NTRK2: variants seen among roughly 807,000 people sequenced by gnomAD.
The protein encoded by NTRK2 is neurotrophic receptor tyrosine kinase 2.
Under a neutral mutation model 94.5 loss-of-function variants are expected in NTRK2, and 13 were observed. That is an observed-to-expected ratio of 0.14 (90% confidence interval 0.09 to 0.22). The LOEUF is 0.22. Ranked by LOEUF, NTRK2 falls within the 10% of genes least tolerant of loss-of-function variation. NTRK2 has a pLI of 1.00. For synonymous variants in NTRK2, 372 were observed against 407.4 expected (o/e 0.91, Z 1.05); for missense variants, 639 against 1,071.2 (o/e 0.60, Z 5.63).
At position 84,824,623 on chromosome 9, in the gene NTRK2, A is replaced by G. The variant is rs181110869; in HGVS notation, c.1397-36417A>G. On this transcript the variant is annotated intron_variant, in intron 12 of 18. Coordinates refer to ENST00000277120, the MANE Select transcript of NTRK2 (RefSeq NM_006180.6). Reference sequence around the variant, plus strand: ...CCCAAGAGAGGCTGAGGCAGCTCTCAGTTCTAAATTTTTCTTGCTAAGTTT... The same window carrying G: ...CCCAAGAGAGGCTGAGGCAGCTCTCGGTTCTAAATTTTTCTTGCTAAGTTT... Among the ~76,000 whole-genome samples the G allele has an allele frequency of 4.3e-3, 661 of 152,306 alleles. 2 individuals are homozygous for G. The highest frequency in any genetic ancestry group is 7.8e-3 in the Non-Finnish European group (530 of 68,010).
At chr9:84,766,449 C>T (rs1014680917) in intron 12 of NTRK2, among the ~76,000 whole-genome samples, 25 of 151,990 alleles carry the variant, frequency 1.6e-4, no homozygotes, top group African/African-American at 6.0e-4. Context: ...TTGGATACGA[C>T]AGAAATTGTG....
chr9:84,940,854 G>A (rs2078384823), intron 15 of NTRK2, among the ~76,000 whole-genome samples: 2 of 151,604 alleles, frequency 1.3e-5, no homozygotes, highest in Admixed American at 6.6e-5. Context: ...TATTTTTTAT[G>A]ACAGTCATCA....
intron 12 of NTRK2, among the ~76,000 whole-genome samples, chr9:84,850,507 A>G (rs1275383719): frequency 6.6e-6 from 1 of 152,290 alleles, no homozygotes. Context: ...TTTGAATGTT[A>G]TTGAAGAGTT....
Position 84,742,045 on chromosome 9 carries a change from T to C in NTRK2, c.1195+118T>C. 1.7e-5 allele frequency: 14 copies of C among 844,912 alleles called. 1 individual carries two copies. In the South Asian group the frequency reaches 2.2e-4, roughly 13 times the overall value. The allele number at this position is 844,912 out of a possible 1,614,324, so 52.3% of individuals were successfully genotyped here. ...TTAAATTTACACTTTAAGCATTACA[T>C]AGGCCAAAATAGTATTTCAAAAAAT... is the stretch of plus-strand genomic sequence containing the variant. On this transcript the variant is annotated intron_variant, in intron 10 of 18. Coordinates refer to ENST00000277120, the MANE Select transcript of NTRK2 (RefSeq NM_006180.6).
At chr9:84,949,820 A>G (rs779489122) in intron 16 of NTRK2, among the ~76,000 whole-genome samples, 2 of 152,168 alleles carry the variant, frequency 1.3e-5, no homozygotes, top group Admixed American at 1.3e-4. Flanking sequence ...CCCTCAGATG[A>G]TGGGTACAGG....
chr9:84,784,496 T>C (rs2067930936), intron 12 of NTRK2, among the ~76,000 whole-genome samples: 1 of 152,184 alleles, frequency 6.6e-6, no homozygotes, highest in Non-Finnish European at 1.5e-5. Context: ...ATTATGCATG[T>C]TACAGGGGTA....
Position 84,968,600 on chromosome 9 carries a change from G to A in NTRK2, c.2172+13083G>A, listed in dbSNP as rs117641077. On this transcript the variant is annotated intron_variant, in intron 17 of 18. Coordinates refer to ENST00000277120, the MANE Select transcript of NTRK2 (RefSeq NM_006180.6). Reference sequence around the variant, plus strand: ...CTAATATGCCAAGGAACATAGGCAGGCAGACAGCAGACTTGGATTTATTCT... The same window carrying A: ...CTAATATGCCAAGGAACATAGGCAGACAGACAGCAGACTTGGATTTATTCT... 5.5e-3 allele frequency among the ~76,000 whole-genome samples: 830 copies of A among 152,258 alleles called. 25 individuals carry two copies. The highest frequency in any genetic ancestry group is 0.04 in the Admixed American group (616 of 15,290).
intron 6 of NTRK2, among the ~76,000 whole-genome samples, chr9:84,713,909 T>C (rs2061557430): frequency 6.6e-6 from 1 of 152,028 alleles, no homozygotes; most frequent in Admixed American, 6.5e-5. Context: ...TAATTCTGCT[T>C]ATTGTGAGGG....
intron 12 of NTRK2, among the ~76,000 whole-genome samples, chr9:84,833,677 T>A: frequency 6.6e-6 from 1 of 151,992 alleles, no homozygotes. Flanking sequence ...CAGGGATCAC[T>A]CCTATAGATA....
intron 13 of NTRK2, 46 bp downstream of exon 13, chr9:84,861,133 G>GT: frequency 1.4e-6 from 2 of 1,412,942 alleles, no homozygotes; most frequent in Non-Finnish European, 2.0e-6. Context: ...ATGAGTCTAT[G>GT]TTTTTATTCG....
intron 17 of NTRK2, among the ~76,000 whole-genome samples, chr9:84,977,516 A>G (rs1827041989): frequency 6.6e-6 from 1 of 152,188 alleles, no homozygotes; most frequent in Non-Finnish European, 1.5e-5. Context: ...CAACTCAAAT[A>G]TTTTTGCTGC....
At chr9:84,727,033 C>T (rs1205725960) in intron 8 of NTRK2, among the ~76,000 whole-genome samples, 1 of 152,056 alleles carries the variant, frequency 6.6e-6, no homozygotes, top group Non-Finnish European at 1.5e-5. Context: ...CAAAAATGGA[C>T]AACACTATCA....
At chr9:84,957,034 C>T (rs545135487) in intron 17 of NTRK2, among the ~76,000 whole-genome samples, 6 of 152,244 alleles carry the variant, frequency 3.9e-5, no homozygotes, top group Admixed American at 6.5e-5. Context: ...ATATTTAAAA[C>T]GTGGGGAGAC....
Position 84,744,781 on chromosome 9 carries a change from C to T in NTRK2, c.1196-192C>T, listed in dbSNP as rs554354268. 4.9e-4 allele frequency among the ~76,000 whole-genome samples: 75 copies of T among 152,202 alleles called. 1 individual carries two copies. Among genetic ancestry groups the T allele is most frequent in the Admixed American group, 3.6e-3 (55 of 15,298 alleles). ...AGGTCTGGGTTGAATAAAATGTGGG[C>T]GTTGTGCAGTCTCAGCGCTGCAGTG... On this transcript the variant is annotated intron_variant, in intron 10 of 18. Coordinates refer to ENST00000277120, the MANE Select transcript of NTRK2 (RefSeq NM_006180.6).
chr9:84,712,135 A>G (rs1334597944), intron 6 of NTRK2, among the ~76,000 whole-genome samples: 1 of 152,140 alleles, frequency 6.6e-6, no homozygotes, highest in African/African-American at 2.4e-5. Context: ...GCAACCACTG[A>G]GAGGAAAAGA....
At chr9:84,760,258 G>A (rs1050289246) in intron 12 of NTRK2, among the ~76,000 whole-genome samples, 2 of 152,144 alleles carry the variant, frequency 1.3e-5, no homozygotes, top group African/African-American at 4.8e-5. Flanking sequence ...CATCTCTTCA[G>A]GTGATTATAA....
intron 12 of NTRK2, among the ~76,000 whole-genome samples, chr9:84,782,868 C>A (rs983027439): frequency 7.2e-5 from 11 of 152,136 alleles, no homozygotes; most frequent in African/African-American, 2.7e-4. Flanking sequence ...TAAACCAGTA[C>A]CTTTCATCAA....
intron 17 of NTRK2, among the ~76,000 whole-genome samples, chr9:85,002,426 G>A (rs76816036): frequency 2.6e-5 from 4 of 152,208 alleles, no homozygotes; most frequent in Non-Finnish European, 5.9e-5. Context: ...GTCTCTTGGC[G>A]GCATTTTACT....
At chr9:84,767,542 T>G (rs117354526) in intron 12 of NTRK2, among the ~76,000 whole-genome samples, 36 of 152,354 alleles carry the variant, frequency 2.4e-4, no homozygotes, top group Non-Finnish European at 5.0e-4. Context: ...GTGATGGTGA[T>G]AGTGGAGATC....
Sources: gnomAD v4.1 joint callset for allele counts (sites outside exome capture counted in the v4.1 genomes callset) on GRCh38, gnomAD v4.1.1 for gene constraint, MANE v1.5 for transcripts, NCBI Gene and HGNC (gene_info 2026-07-23, HGNC 2026-07-21) for gene names.